The following WWOX variants were observed in gnomAD, a reference collection of about 807,000 sequenced individuals.
The protein encoded by WWOX is WW domain containing oxidoreductase, also known as WW domain-containing oxidoreductase.
WWOX carries 69 observed loss-of-function variants against 46.2 expected under a neutral mutation model. The ratio of observed to expected loss-of-function variants is 1.49; its 90% CI spans 1.23 to 1.82. The LOEUF is 1.82. Ranked by LOEUF, WWOX falls within the 40% of genes most tolerant of loss-of-function variation. The pLI is 0.00. For synonymous variants in WWOX, 359 were observed against 202.6 expected (o/e 1.77, Z -6.56); for missense variants, 919 against 542.6 (o/e 1.69, Z -6.89).
intron 8 of WWOX, among the ~76,000 whole-genome samples, chr16:78,787,070 C>T (rs1166339882): frequency 1.3e-5 from 2 of 152,118 alleles, no homozygotes; most frequent in Admixed American, 1.3e-4. Context: ...ATCGCTTGAA[C>T]CTGGGAGGCG....
chr16:78,894,749 G>C (rs1157581329), intron 8 of WWOX, among the ~76,000 whole-genome samples: 1 of 152,178 alleles, frequency 6.6e-6, no homozygotes, highest in African/African-American at 2.4e-5. Flanking sequence ...TGGGAAAGAA[G>C]ACGGGACTAA....
chr16:79,025,286 C>T (rs1205501460), intron 8 of WWOX, among the ~76,000 whole-genome samples: 1 of 152,172 alleles, frequency 6.6e-6, no homozygotes, highest in African/African-American at 2.4e-5. Flanking sequence ...TGAGTTAAGA[C>T]AGTAGCCCTT....
At chr16:78,580,405 C>G (rs964764486) in intron 8 of WWOX, among the ~76,000 whole-genome samples, 2 of 152,136 alleles carry the variant, frequency 1.3e-5, no homozygotes, top group African/African-American at 4.8e-5. Flanking sequence ...ATGCTGAGCA[C>G]CAATTACAGA....
chr16:78,820,538 G>C (rs576525400), intron 8 of WWOX, among the ~76,000 whole-genome samples: 19 of 152,252 alleles, frequency 1.2e-4, no homozygotes, highest in Admixed American at 9.1e-4. Context: ...AATTTAGGTG[G>C]TTTTTATTGG....
At chr16:78,551,716 C>G (rs950542588) in intron 8 of WWOX, 3 of 151,886 alleles carry the variant, frequency 2.0e-5, no homozygotes, top group Admixed American at 6.6e-5. Flanking sequence ...AACACCCCAG[C>G]CTCCCATGAA....
chr16:78,376,037 A>T (rs1047664610), intron 5 of WWOX, among the ~76,000 whole-genome samples: 4 of 152,006 alleles, frequency 2.6e-5, no homozygotes, highest in Non-Finnish European at 5.9e-5. Context: ...TTTTGTAGAG[A>T]TGGGGTTTCA....
intron 8 of WWOX, among the ~76,000 whole-genome samples, chr16:78,487,632 G>T (rs2151456876): frequency 6.6e-6 from 1 of 152,220 alleles, no homozygotes; most frequent in Non-Finnish European, 1.5e-5. Context: ...CCTGTATCTT[G>T]GAGATGTTTA....
At chr16:79,177,295 T>C (rs546261865) in intron 8 of WWOX, among the ~76,000 whole-genome samples, 1 of 152,336 alleles carries the variant, frequency 6.6e-6, no homozygotes, top group African/African-American at 2.4e-5. Flanking sequence ...ATTCCTCGCC[T>C]GGCCTCATTG....
chr16:78,678,898 C>T (rs147354142), intron 8 of WWOX, among the ~76,000 whole-genome samples: 2 of 152,270 alleles, frequency 1.3e-5, no homozygotes, highest in East Asian at 3.9e-4. Context: ...AGAGGTTAAG[C>T]CACCTACCCA....
intron 8 of WWOX, among the ~76,000 whole-genome samples, chr16:79,145,031 G>A (rs1003007052): frequency 1.3e-5 from 2 of 152,162 alleles, no homozygotes; most frequent in African/African-American, 2.4e-5. Context: ...GGAGGCTACT[G>A]TACATAAATT....
intron 8 of WWOX, among the ~76,000 whole-genome samples, chr16:78,856,867 C>T (rs1305151272): frequency 6.6e-6 from 1 of 152,118 alleles, no homozygotes; most frequent in Non-Finnish European, 1.5e-5. Context: ...CATTGTGCCA[C>T]CATCATAGAG....
chr16:78,883,007 A>G (rs997807908), intron 8 of WWOX, among the ~76,000 whole-genome samples: 23 of 152,254 alleles, frequency 1.5e-4, no homozygotes, highest in Non-Finnish European at 3.2e-4. Context: ...TGCTCCCGAC[A>G]CAAGGAACTG....
chr16:78,545,131 C>G (rs1440132137), intron 8 of WWOX, among the ~76,000 whole-genome samples: 1 of 152,204 alleles, frequency 6.6e-6, no homozygotes, highest in African/African-American at 2.4e-5. Flanking sequence ...CATTCTGATT[C>G]CCTCAGCACT....
At chr16:78,284,191 T>C (rs1336956964) in intron 5 of WWOX, among the ~76,000 whole-genome samples, 2 of 152,222 alleles carry the variant, frequency 1.3e-5, no homozygotes, top group East Asian at 3.8e-4. Context: ...CGTTCCCATC[T>C]GATTTTCCTC....
intron 8 of WWOX, among the ~76,000 whole-genome samples, chr16:78,566,960 C>G (rs894938004): frequency 2.6e-5 from 4 of 152,174 alleles, no homozygotes; most frequent in Admixed American, 2.0e-4. Flanking sequence ...AAAATGGAAG[C>G]AACCACCAGT....
At chr16:78,461,378 C>A (rs190276954) in intron 8 of WWOX, among the ~76,000 whole-genome samples, 1,818 of 152,030 alleles carry the variant, frequency 0.012, 37 homozygotes, top group African/African-American at 0.041. Flanking sequence ...AACAAACAAA[C>A]AAACAAACAA....
intron 1 of WWOX, chr16:78,100,169 G>A: frequency 1.6e-6 from 2 of 1,279,366 alleles, no homozygotes; most frequent in Admixed American, 4.5e-5. Context: ...CCTCATCCCC[G>A]CCAAAAAATA....
chr16:78,738,337 G>C (rs897470571), intron 8 of WWOX, among the ~76,000 whole-genome samples: 1 of 152,050 alleles, frequency 6.6e-6, no homozygotes, highest in Non-Finnish European at 1.5e-5. Context: ...TTTTCAGTAT[G>C]GTAATAATTA....
chr16:78,134,288 C>T (rs1051835034), intron 4 of WWOX, among the ~76,000 whole-genome samples: 3 of 152,042 alleles, frequency 2.0e-5, no homozygotes, highest in Non-Finnish European at 4.4e-5. Flanking sequence ...GAAATTTAAC[C>T]ATATTTTTAA....
Sources: allele counts gnomAD v4.1 joint callset (sites outside exome capture counted in the v4.1 genomes callset), GRCh38; gene constraint gnomAD v4.1.1; transcripts MANE v1.5; gene names NCBI Gene and HGNC (gene_info 2026-07-23, HGNC 2026-07-21).